The following CNOT4 variants were observed in gnomAD, a reference collection of about 807,000 sequenced individuals.
CNOT4 encodes the protein CCR4-associated factor 4.
In CNOT4, 8 loss-of-function variants were observed where a neutral mutation model predicts 73.8. The observed-to-expected ratio is 0.11, with a 90% CI of 0.06 to 0.20. The LOEUF (loss-of-function observed/expected upper bound fraction) is 0.20, where lower values mean the gene tolerates loss of function less well. Among genes scored for constraint, CNOT4 ranks in the 10% least tolerant of loss-of-function variants. The pLI is 1.00. For synonymous variants in CNOT4, 293 were observed against 321.1 expected (o/e 0.91, Z 0.94); for missense variants, 564 against 883.4 (o/e 0.64, Z 4.58).
chr7:135,444,742 C>T (rs1423472839), intron 1 of CNOT4: 32 of 1,429,264 alleles, frequency 2.2e-5, no homozygotes, highest in Non-Finnish European at 2.9e-5. Context: ...TCCCTGGCTG[C>T]GACCCTCACT....
chr7:135,400,137 T>A (rs540432851), intron 7 of CNOT4, among the ~76,000 whole-genome samples: 3 of 151,974 alleles, frequency 2.0e-5, no homozygotes, highest in African/African-American at 7.2e-5. Flanking sequence ...AAGAACAGCA[T>A]TAAAGGTAGG....
rs747402254 is a variant in CNOT4 at position 135,464,024 on chromosome 7, C to CAA, written c.-92-25603_-92-25602dup. 9.5e-4 allele frequency among the ~76,000 whole-genome samples: 104 copies of CAA among 109,586 alleles called. 2 individuals carry two copies. Among genetic ancestry groups the CAA allele is most frequent in the African/African-American group, 3.0e-3 (87 of 28,724 alleles). 71.9% of individuals were successfully genotyped at this position (109,586 alleles called of 152,430 possible). A position where few individuals can be genotyped will look rare whatever the true frequency, so the allele number is the denominator to read the frequency against. The stretch of plus-strand genomic sequence containing the variant: ...ATCAGGATGGCTATTATTAAAAAGT[C>CAA]AAAAAAAAAAAAAAAACAGATGGTG... On this transcript the variant is annotated intron_variant, in intron 1 of 11. Transcript: ENST00000541284.
intron 1 of CNOT4, among the ~76,000 whole-genome samples, chr7:135,487,707 TA>T (rs756011402): frequency 6.6e-6 from 1 of 151,512 alleles, no homozygotes; most frequent in Non-Finnish European, 1.5e-5. Context: ...CATTGCTTTT[TA>T]AAAAAAAATC....
Position 135,362,998 on chromosome 7 carries a change from G to C in CNOT4, c.2029C>G (p.Pro677Ala). 1.2e-6 allele frequency: 2 copies of C among 1,613,882 alleles called. No individual in the cohort carries two copies. Among genetic ancestry groups the C allele is most frequent in the Non-Finnish European group, 1.7e-6 (2 of 1,179,952 alleles). Residue 677 changes from proline (P) to alanine (A), a missense_variant, in exon 12 of 12, where the codon CCT (proline) becomes GCT (alanine). This residue lies in a region of CNOT4 where 88 missense variants were observed against 94.7 expected (regional missense o/e 0.93). Transcript: ENST00000541284. Reference protein sequence around the residue: ...HRASWNPYPPPSNPSSFHSPP... With the variant: ...HRASWNPYPPASNPSSFHSPP... ...GAGTGGAAGCTGGAAGGGTTTGAAG[G>C]AGGAGGGTAGGGATTCCAACTGGCT...
intron 1 of CNOT4, among the ~76,000 whole-genome samples, chr7:135,442,048 C>T (rs1799511180): frequency 6.6e-6 from 1 of 152,142 alleles, no homozygotes; most frequent in African/African-American, 2.4e-5. Context: ...AGTTGACTGA[C>T]TCACCTCTTT....
chr7:135,389,984 C>CTA (rs1796317923), intron 10 of CNOT4, among the ~76,000 whole-genome samples: 1 of 152,104 alleles, frequency 6.6e-6, no homozygotes, highest in Non-Finnish European at 1.5e-5. Flanking sequence ...AAATTTTAGA[C>CTA]TAGAGTTCTT....
intron 1 of CNOT4, among the ~76,000 whole-genome samples, chr7:135,506,612 G>A (rs962357510): frequency 9.9e-5 from 15 of 152,160 alleles, no homozygotes; most frequent in African/African-American, 3.6e-4. Context: ...CCCTTTGGGA[G>A]GCCAAGGTGG....
chr7:135,473,002 C>T (rs938571078), intron 1 of CNOT4, among the ~76,000 whole-genome samples: 2 of 151,586 alleles, frequency 1.3e-5, no homozygotes, highest in Non-Finnish European at 2.9e-5. Context: ...GATCATGCCA[C>T]TACACTCCAG....
chr7:135,463,389 C>T (rs1800998766), intron 1 of CNOT4, among the ~76,000 whole-genome samples: 1 of 151,836 alleles, frequency 6.6e-6, no homozygotes, highest in Non-Finnish European at 1.5e-5. Context: ...AATACAAAAA[C>T]TAGCTGGGTG....
chr7:135,392,634 T>G (rs1186348298), intron 10 of CNOT4, among the ~76,000 whole-genome samples: 1 of 152,158 alleles, frequency 6.6e-6, no homozygotes, highest in African/African-American at 2.4e-5. Context: ...TCTGGTTACC[T>G]ACTAACTACC....
chr7:135,397,620 A>C (rs1290080815), intron 8 of CNOT4, among the ~76,000 whole-genome samples: 8 of 152,046 alleles, frequency 5.3e-5, no homozygotes, highest in Admixed American at 1.3e-4. Flanking sequence ...AAAAAAAAAA[A>C]AGTTCCCTGA....
intron 1 of CNOT4, among the ~76,000 whole-genome samples, chr7:135,485,349 C>T (rs1802649581): frequency 6.6e-6 from 1 of 152,142 alleles, no homozygotes. Context: ...GGATTACAGG[C>T]TTGAGCCACC....
intron 3 of CNOT4, among the ~76,000 whole-genome samples, chr7:135,417,657 G>A (rs911619698): frequency 3.3e-5 from 5 of 152,124 alleles, no homozygotes; most frequent in African/African-American, 1.2e-4. Context: ...AAATCTAACC[G>A]TGTCACTCTG....
intron 2 of CNOT4, among the ~76,000 whole-genome samples, chr7:135,431,178 C>G (rs944301794): frequency 2.0e-5 from 3 of 151,896 alleles, no homozygotes; most frequent in Non-Finnish European, 4.4e-5. Flanking sequence ...GACAGAAGTA[C>G]TGCTTGAGCC....
intron 1 of CNOT4, among the ~76,000 whole-genome samples, chr7:135,487,686 A>G (rs557128783): frequency 1.7e-3 from 258 of 152,286 alleles, no homozygotes; most frequent in Non-Finnish European, 3.0e-3. Flanking sequence ...ATGAATTGCT[A>G]TTATCTCATG....
At chr7:135,416,549 TAAAG>T (rs1257994400) in intron 3 of CNOT4, among the ~76,000 whole-genome samples, 1 of 152,118 alleles carries the variant, frequency 6.6e-6, no homozygotes, top group Non-Finnish European at 1.5e-5. Context: ...TCAGGGTTGA[TAAAG>T]AGAGAAGAGC....
chr7:135,371,801 C>G (rs959361672), intron 10 of CNOT4, among the ~76,000 whole-genome samples: 4 of 152,044 alleles, frequency 2.6e-5, no homozygotes, highest in Admixed American at 2.6e-4. Context: ...GATACATACA[C>G]CCTTAGAAGC....
chr7:135,422,436 G>A (rs1300119340), intron 2 of CNOT4, 83 bp from the exon 3 acceptor site: 3 of 704,236 alleles, frequency 4.3e-6, no homozygotes, highest in African/African-American at 3.6e-5. Context: ...CTTGGTGGTG[G>A]GTATGTGGTT....
chr7:135,501,257 T>A (rs1459667529), intron 1 of CNOT4, among the ~76,000 whole-genome samples: 1 of 152,178 alleles, frequency 6.6e-6, no homozygotes, highest in African/African-American at 2.4e-5. Context: ...AGTGCTGGGA[T>A]TACAGGTGTG....
Sources: gnomAD v4.1 joint callset for allele counts (sites outside exome capture counted in the v4.1 genomes callset) on GRCh38, gnomAD v4.1.1 for gene constraint, gnomAD v4.1.1 regional missense constraint, MANE v1.5 for transcripts, NCBI Gene and HGNC (gene_info 2026-07-23, HGNC 2026-07-21) for gene names.